Variants in HS6ST3 observed in about 807,000 individuals in gnomAD.
HS6ST3 encodes heparan sulfate 6-O-sulfotransferase 3.
A neutral mutation model predicts 36.7 loss-of-function variants in HS6ST3; 12 were observed. That is an observed-to-expected ratio of 0.33 (90% CI 0.21 to 0.53). The LOEUF is 0.53. Ranked by LOEUF, HS6ST3 falls within the 20% of genes least tolerant of loss-of-function variation. The pLI, the probability that HS6ST3 is intolerant of heterozygous loss-of-function variation, is 0.95. For synonymous variants in HS6ST3, 240 were observed against 257.5 expected (o/e 0.93, Z 0.65); for missense variants, 584 against 640.9 (o/e 0.91, Z 0.96).
intron 1 of HS6ST3, among the ~76,000 whole-genome samples, chr13:96,239,929 A>C (rs1295629655): frequency 3.3e-5 from 5 of 152,170 alleles, no homozygotes; most frequent in Non-Finnish European, 7.4e-5. Flanking sequence ...AATGCAATAG[A>C]AAAGCAAACT....
chr13:96,309,904 G>C (rs754265815), intron 1 of HS6ST3, among the ~76,000 whole-genome samples: 1 of 151,962 alleles, frequency 6.6e-6, no homozygotes, highest in African/African-American at 2.4e-5. Context: ...TAATAGTGGG[G>C]AAAGAAGCTA....
chr13:96,809,952 A>G (rs1018266711), intron 1 of HS6ST3, among the ~76,000 whole-genome samples: 2 of 152,326 alleles, frequency 1.3e-5, no homozygotes, highest in African/African-American at 4.8e-5. Context: ...AATTACTGGT[A>G]CTGGTACGAC....
chr13:96,187,361 C>T (rs1029596831), intron 1 of HS6ST3, among the ~76,000 whole-genome samples: 6 of 152,188 alleles, frequency 3.9e-5, no homozygotes, highest in Non-Finnish European at 7.3e-5. Flanking sequence ...AGGTGCCATG[C>T]GTCCTGCCTA....
intron 1 of HS6ST3, among the ~76,000 whole-genome samples, chr13:96,224,950 C>G (rs886905511): frequency 3.9e-5 from 6 of 152,144 alleles, no homozygotes; most frequent in Admixed American, 1.3e-4. Context: ...TGCATTGTTA[C>G]TGGGAGTGTG....
At chr13:96,760,455 G>A (rs1876937250) in intron 1 of HS6ST3, among the ~76,000 whole-genome samples, 1 of 151,468 alleles carries the variant, frequency 6.6e-6, no homozygotes, top group African/African-American at 2.4e-5. Context: ...ATTGTGCATT[G>A]TCCAACCTTA....
At chr13:96,501,111 C>T (rs2056001980) in intron 1 of HS6ST3, among the ~76,000 whole-genome samples, 1 of 152,038 alleles carries the variant, frequency 6.6e-6, no homozygotes, top group Non-Finnish European at 1.5e-5. Flanking sequence ...AGGTGAGAGG[C>T]TAAAAGAGGA....
chr13:96,682,047 C>A (rs1000115609), intron 1 of HS6ST3, among the ~76,000 whole-genome samples: 4 of 152,008 alleles, frequency 2.6e-5, no homozygotes, highest in African/African-American at 9.7e-5. Context: ...ATCTTGGTGC[C>A]TGGACCATAG....
chr13:96,752,239 ATC>A (rs1876718997), intron 1 of HS6ST3, among the ~76,000 whole-genome samples: 1 of 151,982 alleles, frequency 6.6e-6, no homozygotes, highest in Non-Finnish European at 1.5e-5. Flanking sequence ...TCGTTTGTGT[ATC>A]TGTTTTTCTG....
chr13:96,362,442 G>C (rs186017006), intron 1 of HS6ST3, among the ~76,000 whole-genome samples: 3 of 152,098 alleles, frequency 2.0e-5, no homozygotes, highest in Non-Finnish European at 4.4e-5. Flanking sequence ...ACTCAAACAC[G>C]TACAATCTTA....
intron 1 of HS6ST3, among the ~76,000 whole-genome samples, chr13:96,627,875 T>C (rs1190980440): frequency 6.6e-6 from 1 of 151,920 alleles, no homozygotes; most frequent in African/African-American, 2.4e-5. Flanking sequence ...AGTTATATCT[T>C]CTTTTTCATC....
At chr13:96,662,547 T>C (rs2056650134) in intron 1 of HS6ST3, among the ~76,000 whole-genome samples, 1 of 147,350 alleles carries the variant, frequency 6.8e-6, no homozygotes, top group Admixed American at 6.8e-5. Context: ...TGTGTGTGTG[T>C]TGGTTTTCAG....
intron 1 of HS6ST3, among the ~76,000 whole-genome samples, chr13:96,357,835 C>T (rs2055217705): frequency 6.6e-6 from 1 of 152,164 alleles, no homozygotes; most frequent in African/African-American, 2.4e-5. Context: ...TTCACCATCT[C>T]ACGTGGGCTT....
At chr13:96,214,416 C>T (rs1291634916) in intron 1 of HS6ST3, among the ~76,000 whole-genome samples, 4 of 152,060 alleles carry the variant, frequency 2.6e-5, no homozygotes, top group Non-Finnish European at 5.9e-5. Context: ...TGGTCTGTTT[C>T]CCCCAGACTC....
chr13:96,807,666 G>C (rs1009446252), intron 1 of HS6ST3, among the ~76,000 whole-genome samples: 1 of 152,178 alleles, frequency 6.6e-6, no homozygotes, highest in Non-Finnish European at 1.5e-5. Context: ...CAAAGCTGTA[G>C]TGTGAAGTGA....
chr13:96,357,622 GTGCAATCATAGCTCAC>G (rs1353260999), intron 1 of HS6ST3, among the ~76,000 whole-genome samples: 2 of 152,032 alleles, frequency 1.3e-5, no homozygotes, highest in Non-Finnish European at 2.9e-5. Context: ...GAGTGCAGTG[GTGCAATCATAGCTCAC>G]TGCAGTCTTG....
chr13:96,374,987 G>A (rs929510450), intron 1 of HS6ST3, among the ~76,000 whole-genome samples: 1 of 152,048 alleles, frequency 6.6e-6, no homozygotes, highest in Non-Finnish European at 1.5e-5. Flanking sequence ...CTAGGAGGTT[G>A]GCTCCTGCAC....
At chr13:96,096,530 A>G (rs1467821175) in intron 1 of HS6ST3, among the ~76,000 whole-genome samples, 1 of 152,242 alleles carries the variant, frequency 6.6e-6, no homozygotes, top group African/African-American at 2.4e-5. Context: ...AAAGAAAAAA[A>G]GGATTATAAA....
At chr13:96,436,768 T>G (rs2055644687) in intron 1 of HS6ST3, among the ~76,000 whole-genome samples, 1 of 152,228 alleles carries the variant, frequency 6.6e-6, no homozygotes, top group African/African-American at 2.4e-5. Context: ...CTGTATGGGC[T>G]GGCACCTTGT....
intron 1 of HS6ST3, among the ~76,000 whole-genome samples, chr13:96,149,653 T>C (rs1276005568): frequency 6.6e-6 from 1 of 152,164 alleles, no homozygotes; most frequent in Non-Finnish European, 1.5e-5. Flanking sequence ...ATATAATGCA[T>C]ATTTTTAAAA....
Sources: allele counts gnomAD v4.1 joint callset (sites outside exome capture counted in the v4.1 genomes callset), GRCh38; gene constraint gnomAD v4.1.1; transcripts MANE v1.5; gene names NCBI Gene and HGNC (gene_info 2026-07-23, HGNC 2026-07-21).